Variants in FLRT1 observed in about 807,000 individuals in gnomAD.
FLRT1 encodes leucine-rich repeat transmembrane protein FLRT1.
Under a neutral mutation model 30.9 loss-of-function variants are expected in FLRT1, and 14 were observed. That is an observed-to-expected ratio of 0.45 (90% CI 0.30 to 0.71). FLRT1 has a LOEUF of 0.71. Among genes scored for constraint, FLRT1 ranks in the 30% least tolerant of loss-of-function variants. The pLI is 0.08. For synonymous variants in FLRT1, 368 were observed against 430.4 expected, an observed-to-expected ratio of 0.85 and a Z score of 1.80; for missense variants, 737 against 949.2, an observed-to-expected ratio of 0.78 and a Z score of 2.94.
At position 64,067,851 on chromosome 11, in the gene FLRT1, G is replaced by T. The variant is rs537387826; in HGVS notation, c.-1038+31692G>T. 2.7e-4 allele frequency among the ~76,000 whole-genome samples: 41 copies of T among 152,312 alleles called. No homozygotes were observed. The highest frequency in any genetic ancestry group is 9.9e-4 in the African/African-American group (41 of 41,580). ...ATGGGTGATGAGGGGGTTGGGGGAGGAGCTGAGCGGCCCACTTCCTGCTGC... is the reference window on the plus strand; with the variant it reads ...ATGGGTGATGAGGGGGTTGGGGGAGTAGCTGAGCGGCCCACTTCCTGCTGC... On this transcript the variant is annotated intron_variant, in intron 1 of 2. Transcript: ENST00000682287. This position sits in a 1 kb window ranked among gnomAD's most constrained non-coding sequence, Gnocchi z 4.6.
At chr11:64,089,989 A>G (rs760141512) in intron 1 of FLRT1, among the ~76,000 whole-genome samples, 11 of 152,188 alleles carry the variant, frequency 7.2e-5, no homozygotes, top group Non-Finnish European at 1.6e-4. Flanking sequence ...TCATTGTTTC[A>G]GCACTTATGA....
chr11:64,043,371 G>C (rs1204561765), intron 1 of FLRT1, among the ~76,000 whole-genome samples: 1 of 152,208 alleles, frequency 6.6e-6, no homozygotes, highest in African/African-American at 2.4e-5. Context: ...GGCTTGTGGG[G>C]CACTGCTGAG....
intron 1 of FLRT1, among the ~76,000 whole-genome samples, chr11:64,066,567 T>C (rs1648931381): frequency 6.6e-6 from 1 of 150,508 alleles, no homozygotes; most frequent in South Asian, 2.1e-4. Context: ...TACAGTGCAG[T>C]ATGATCCTAC....
chr11:64,108,322 A>G (rs1475086365), intron 2 of FLRT1, among the ~76,000 whole-genome samples: 2 of 151,918 alleles, frequency 1.3e-5, no homozygotes, highest in African/African-American at 2.4e-5. Flanking sequence ...TCAAAAAAAA[A>G]AAAAAAAGAC....
In FLRT1 at chr11:64,115,970, G is replaced by T. The variant is rs193197040; in HGVS notation, c.-49-249G>T. On this transcript the variant is annotated intron_variant, in intron 2 of 2. Coordinates refer to ENST00000682287, the MANE Select transcript of FLRT1 (RefSeq NM_013280.5). ...CCGCGGCAGCACGGGTCTCATTAATGCGCAGCCTCTTGGCTCCTGATAAGA... is the reference window on the plus strand; with the variant it reads ...CCGCGGCAGCACGGGTCTCATTAATTCGCAGCCTCTTGGCTCCTGATAAGA... Among the ~76,000 whole-genome samples, 28 of 152,320 alleles carry T rather than the reference G, an allele frequency of 1.8e-4. No homozygotes were observed. The East Asian group carries it at 5.0e-3, about 27-fold the overall frequency.
chr11:64,086,368 G>A (rs1358305493), intron 1 of FLRT1, among the ~76,000 whole-genome samples: 1 of 152,040 alleles, frequency 6.6e-6, no homozygotes, highest in African/African-American at 2.4e-5. Context: ...TATGCATATG[G>A]TGCCCTTGTG....
intron 1 of FLRT1, among the ~76,000 whole-genome samples, chr11:64,060,147 T>G (rs1943871378): frequency 6.6e-6 from 1 of 152,236 alleles, no homozygotes. Flanking sequence ...TTCTGTCAAG[T>G]GAATGAATAT....
chr11:64,099,457 T>G (rs758222890), intron 1 of FLRT1, among the ~76,000 whole-genome samples: 1 of 152,050 alleles, frequency 6.6e-6, no homozygotes, highest in Non-Finnish European at 1.5e-5. Flanking sequence ...GAGAAATGGA[T>G]AGGTGGAGAG....
At chr11:64,088,819 G>C (rs1442214746) in intron 1 of FLRT1, among the ~76,000 whole-genome samples, 1 of 152,194 alleles carries the variant, frequency 6.6e-6, no homozygotes, top group African/African-American at 2.4e-5. Flanking sequence ...TGGTGGGTGG[G>C]AGTGGCTGTT....
intron 1 of FLRT1, among the ~76,000 whole-genome samples, chr11:64,038,804 A>C (rs1943430771): frequency 6.6e-6 from 1 of 152,174 alleles, no homozygotes; most frequent in East Asian, 1.9e-4. Flanking sequence ...CTAGAATGCC[A>C]TCACAGGGTC....
rs1190970153 is a variant in FLRT1, at chr11:64,117,364, T to C, written c.1097T>C (p.Met366Thr). 1.2e-6 allele frequency: 2 copies of C among 1,613,448 alleles called. No individual in the cohort carries two copies. The highest frequency in any genetic ancestry group is 3.3e-5 in the Admixed American group (2 of 60,014). Residue 366 changes from methionine (M) to threonine (T), a missense_variant, in exon 3 of 3, where the codon ATG becomes ACG. Coordinates refer to ENST00000682287, the MANE Select transcript of FLRT1 (RefSeq NM_013280.5). ...CAGGGCCCTGAGAAGGTCCGGGGCA[T>C]GGCCATCAAGGACATTACCAGCGAG... The part of the protein sequence containing the change: ...MCQGPEKVRG[M>T]AIKDITSEMD...
chr11:64,046,502 T>A (rs1213891084), intron 1 of FLRT1, among the ~76,000 whole-genome samples: 1 of 152,198 alleles, frequency 6.6e-6, no homozygotes, highest in Non-Finnish European at 1.5e-5. Context: ...TCTGGGACCC[T>A]GCGCTGTGCT....
chr11:64,061,873 CTTTTTTTTT>C (rs57666180), intron 1 of FLRT1, among the ~76,000 whole-genome samples: 1,695 of 99,164 alleles, frequency 0.017, 45 homozygotes, highest in African/African-American at 0.07. Context: ...ACCACGCTGG[CTTTTTTTTT>C]TTTTTTTTTT....
chr11:64,088,767 G>A (rs547334770), intron 1 of FLRT1, among the ~76,000 whole-genome samples: 16 of 152,302 alleles, frequency 1.1e-4, no homozygotes, highest in African/African-American at 3.6e-4. Flanking sequence ...AACGACAGCA[G>A]ACAGTAAGAG....
intron 1 of FLRT1, among the ~76,000 whole-genome samples, chr11:64,079,288 G>C (rs1944261747): frequency 6.6e-6 from 1 of 152,138 alleles, no homozygotes; most frequent in Non-Finnish European, 1.5e-5. Flanking sequence ...GTGTGCAGCT[G>C]GCGCTGCAGA....
intron 1 of FLRT1, among the ~76,000 whole-genome samples, chr11:64,087,540 C>T (rs1229601621): frequency 3.9e-5 from 6 of 152,232 alleles, no homozygotes; most frequent in Non-Finnish European, 5.9e-5. Flanking sequence ...GAGGCAAGCA[C>T]GCAGTCCCCA....
At chr11:64,044,047 C>G (rs528136315) in intron 1 of FLRT1, among the ~76,000 whole-genome samples, 14 of 152,016 alleles carry the variant, frequency 9.2e-5, no homozygotes, top group Non-Finnish European at 2.1e-4. Flanking sequence ...ACTCCTGACC[C>G]TCAGGTGATC....
chr11:64,037,852 A>G (rs1238490508), intron 1 of FLRT1, among the ~76,000 whole-genome samples: 1 of 152,176 alleles, frequency 6.6e-6, no homozygotes. Flanking sequence ...CCTGTGCCTC[A>G]GTTTCCCTTG....
intron 1 of FLRT1, among the ~76,000 whole-genome samples, chr11:64,077,800 GCCGCCGCTCGGA>G (rs1944230556): frequency 6.6e-6 from 1 of 152,250 alleles, no homozygotes; most frequent in Non-Finnish European, 1.5e-5. Flanking sequence ...TGGGCCTCCG[GCCGCCGCTCGGA>G]CATTTGGGCA....
Sources: allele counts gnomAD v4.1 joint callset (sites outside exome capture counted in the v4.1 genomes callset), GRCh38; gene constraint gnomAD v4.1.1; non-coding constraint Gnocchi (gnomAD v3.1); transcripts MANE v1.5; gene names NCBI Gene and HGNC (gene_info 2026-07-23, HGNC 2026-07-21).